MAST4: variants seen among roughly 807,000 people sequenced by gnomAD.
MAST4 encodes microtubule associated serine/threonine kinase family member 4, also known as microtubule-associated serine/threonine-protein kinase 4.
A neutral mutation model predicts 162.7 loss-of-function variants in MAST4; 89 were observed. The ratio of observed to expected loss-of-function variants is 0.55; its 90% CI spans 0.46 to 0.65. The LOEUF is 0.65. Among genes scored for constraint, MAST4 ranks in the 30% least tolerant of loss-of-function variants. The pLI is 0.00. For synonymous variants in MAST4, 1,479 were observed against 1,361.1 expected (o/e 1.09, Z -1.91); for missense variants, 3,153 against 3,374.0 (o/e 0.93, Z 1.62).
chr5:66,673,635 C>T (rs950489959), intron 1 of MAST4, among the ~76,000 whole-genome samples: 1 of 150,386 alleles, frequency 6.6e-6, no homozygotes, highest in African/African-American at 2.4e-5. Context: ...GGTGGGATCA[C>T]AGGCACGTGC....
chr5:67,064,425 C>T (rs1315514427), intron 5 of MAST4, among the ~76,000 whole-genome samples: 2 of 152,166 alleles, frequency 1.3e-5, no homozygotes, highest in African/African-American at 4.8e-5. Context: ...GCCAAAGACT[C>T]ATTTGACTCT....
chr5:67,127,694 C>T (rs1768432032), intron 14 of MAST4, among the ~76,000 whole-genome samples: 1 of 151,966 alleles, frequency 6.6e-6, no homozygotes, highest in Non-Finnish European at 1.5e-5. Context: ...GTCCTGCTAC[C>T]ATCATCTGAT....
At chr5:66,806,423 C>T (rs1450996158) in intron 3 of MAST4, among the ~76,000 whole-genome samples, 1 of 152,214 alleles carries the variant, frequency 6.6e-6, no homozygotes, top group East Asian at 1.9e-4. Flanking sequence ...TGGAATGTCA[C>T]ACACTTGCAT....
intron 3 of MAST4, among the ~76,000 whole-genome samples, chr5:66,802,825 A>G (rs1755988221): frequency 6.6e-6 from 1 of 152,134 alleles, no homozygotes. Flanking sequence ...AGAATGGAAG[A>G]GCACTTCTTC....
chr5:66,779,780 G>C (rs896840628), intron 2 of MAST4, among the ~76,000 whole-genome samples: 2 of 152,166 alleles, frequency 1.3e-5, no homozygotes, highest in Non-Finnish European at 2.9e-5. Context: ...TTAGGGTGAT[G>C]GCTGCTGAGT....
rs867526505 is a variant in MAST4, at chr5:66,635,975, T to C, written c.363+38957T>C. On this transcript the variant is annotated intron_variant, in intron 1 of 28. Coordinates refer to ENST00000403625, the MANE Select transcript of MAST4 (RefSeq NM_001164664.2). ...TTTTTTTTTTTTTTTTTTTTTTTTTTCGAGACAGAGTCTTGCTCTGTCACC... is the reference window on the plus strand; with the variant it reads ...TTTTTTTTTTTTTTTTTTTTTTTTTCCGAGACAGAGTCTTGCTCTGTCACC... Among the ~76,000 whole-genome samples the C allele has an allele frequency of 3.2e-3, 360 of 113,520 alleles. 1 individual carries two copies. The highest frequency in any genetic ancestry group is 0.012 in the African/African-American group (321 of 25,746). 74.5% of individuals were successfully genotyped at this position (113,520 alleles called of 152,430 possible).
chr5:67,011,868 G>A (rs1371916191), intron 4 of MAST4, among the ~76,000 whole-genome samples: 1 of 152,214 alleles, frequency 6.6e-6, no homozygotes, highest in African/African-American at 2.4e-5. Flanking sequence ...AGCGAGGAAA[G>A]AGTGAGAGAG....
rs1167574630 is a variant in MAST4, at chr5:66,596,396, G to A, written c.-260G>A. 1 of 382,516 alleles carries A rather than the reference G, an allele frequency of 2.6e-6. No homozygotes were observed. Among genetic ancestry groups the A allele is most frequent in the Non-Finnish European group, 4.6e-6 (1 of 217,826 alleles). 23.7% of individuals were successfully genotyped at this position (382,516 alleles called of 1,614,324 possible). A position where few individuals can be genotyped will look rare whatever the true frequency, so the allele number is the denominator to read the frequency against. Reference sequence around the variant, plus strand: ...GGCTCGGGTGCAGCGCGGGAGCACAGTGGAGCGCAGATCGCGGACCCGAGC... The same window carrying A: ...GGCTCGGGTGCAGCGCGGGAGCACAATGGAGCGCAGATCGCGGACCCGAGC... On this transcript the variant is annotated 5_prime_UTR_variant, in exon 1 of 29. The change creates a new upstream start codon in the 5' untranslated region. Coordinates refer to ENST00000403625, the MANE Select transcript of MAST4 (RefSeq NM_001164664.2).
chr5:67,150,381 G>A (rs1771656504), intron 24 of MAST4, among the ~76,000 whole-genome samples: 1 of 152,200 alleles, frequency 6.6e-6, no homozygotes, highest in Admixed American at 6.5e-5. Flanking sequence ...AAAAGGCATT[G>A]TTTATGTTTT....
intron 5 of MAST4, 122 bp from the exon 6 acceptor site, chr5:67,090,040 A>G (rs902019071): frequency 3.0e-6 from 2 of 676,010 alleles, no homozygotes; most frequent in Non-Finnish European, 4.9e-6. Context: ...AAACTAAAGC[A>G]TTATTGGAGG....
chr5:66,648,008 T>A lies in MAST4; in HGVS notation c.363+50990T>A, dbSNP rs183019039. Reference sequence around the variant, plus strand: ...AAATTCCTGACTTCATCTGAGTGGTTAATGTAGGCCTGTGTGTGTTAGGTA... The same window carrying A: ...AAATTCCTGACTTCATCTGAGTGGTAAATGTAGGCCTGTGTGTGTTAGGTA... On this transcript the variant is annotated intron_variant, in intron 1 of 28. Transcript: ENST00000403625. Among the ~76,000 whole-genome samples the A allele has an allele frequency of 5.3e-5, 8 of 150,918 alleles. No individual in the cohort carries two copies. In the East Asian group the frequency reaches 5.9e-4, roughly 11 times the overall value.
chr5:66,676,422 C>T (rs1212294937), intron 1 of MAST4, among the ~76,000 whole-genome samples: 1 of 151,780 alleles, frequency 6.6e-6, no homozygotes, highest in Non-Finnish European at 1.5e-5. Flanking sequence ...GTTACTTTCA[C>T]AGGTCTTAAG....
At chr5:67,013,789 A>G (rs1298867483) in intron 4 of MAST4, among the ~76,000 whole-genome samples, 1 of 152,226 alleles carries the variant, frequency 6.6e-6, no homozygotes, top group Non-Finnish European at 1.5e-5. Context: ...AGATGTATGA[A>G]GGGGTTGAGG....
chr5:66,959,277 T>G, intron 4 of MAST4: 1 of 779,738 alleles, frequency 1.3e-6, no homozygotes, highest in South Asian at 1.3e-5. Context: ...GGCTACAGAT[T>G]CCGGGGCTGA....
chr5:66,661,005 G>A (rs910635949), intron 1 of MAST4, among the ~76,000 whole-genome samples: 6 of 152,188 alleles, frequency 3.9e-5, no homozygotes, highest in Non-Finnish European at 7.3e-5. Flanking sequence ...TTAGCATGTA[G>A]CGTTTTTTTA....
intron 8 of MAST4, among the ~76,000 whole-genome samples, chr5:67,102,091 T>G (rs921620116): frequency 2.6e-5 from 4 of 151,510 alleles, no homozygotes; most frequent in Middle Eastern, 3.2e-3. Context: ...TCTTCAGTGA[T>G]GTGTGGCAGA....
chr5:66,648,094 G>GAC (rs1745983365), intron 1 of MAST4, among the ~76,000 whole-genome samples: 1 of 150,390 alleles, frequency 6.6e-6, no homozygotes, highest in Non-Finnish European at 1.5e-5. Context: ...GAGAGAGAGA[G>GAC]AGAGAGAGAG....
intron 4 of MAST4, among the ~76,000 whole-genome samples, chr5:66,962,433 C>T (rs796894212): frequency 7.5e-4 from 114 of 152,320 alleles, no homozygotes; most frequent in African/African-American, 2.7e-3. Flanking sequence ...AAAAGGCAGC[C>T]ATGGTGGCTT....
At chr5:66,855,411 A>G (rs1413099997) in intron 3 of MAST4, among the ~76,000 whole-genome samples, 3 of 152,182 alleles carry the variant, frequency 2.0e-5, no homozygotes, top group Admixed American at 1.3e-4. Context: ...ATACTTCTTT[A>G]TAGCAATGGA....
Sources: allele counts gnomAD v4.1 joint callset (sites outside exome capture counted in the v4.1 genomes callset), GRCh38; gene constraint gnomAD v4.1.1; transcripts MANE v1.5; gene names NCBI Gene and HGNC (gene_info 2026-07-23, HGNC 2026-07-21).